The following PHLPP1 variants were observed in gnomAD, a reference collection of about 807,000 sequenced individuals.
PHLPP1 encodes the protein PH domain leucine-rich repeat-containing protein phosphatase 1.
A neutral mutation model predicts 117.2 loss-of-function variants in PHLPP1; 42 were observed. The ratio of observed to expected loss-of-function variants is 0.36; its 90% CI spans 0.28 to 0.46. The LOEUF (loss-of-function observed/expected upper bound fraction) is 0.46. Among genes scored for constraint, PHLPP1 ranks in the 20% least tolerant of loss-of-function variants. The pLI is 1.00. For synonymous variants in PHLPP1, 1,042 were observed against 970.7 expected, an observed-to-expected ratio of 1.07 and a Z score of -1.37; for missense variants, 2,084 against 2,241.9, an observed-to-expected ratio of 0.93 and a Z score of 1.42.
At chr18:62,726,150 T>C (rs543328212) in intron 1 of PHLPP1, among the ~76,000 whole-genome samples, 67 of 152,068 alleles carry the variant, frequency 4.4e-4, no homozygotes, top group African/African-American at 1.5e-3. Context: ...ATGTTCTCCA[T>C]TGAGTGTGGA....
chr18:62,722,379 A>C (rs910709284), intron 1 of PHLPP1, among the ~76,000 whole-genome samples: 3 of 152,210 alleles, frequency 2.0e-5, no homozygotes, highest in African/African-American at 7.2e-5. Context: ...GTACTGTGAA[A>C]GTCCAGAGAT....
chr18:62,898,670 T>C (rs1460167428), intron 6 of PHLPP1, among the ~76,000 whole-genome samples: 1 of 152,236 alleles, frequency 6.6e-6, no homozygotes, highest in Non-Finnish European at 1.5e-5. Flanking sequence ...CAATGAGATG[T>C]GTACAGAAGT....
rs1443738725 is a variant in PHLPP1, at chr18:62,978,845, T to C, written c.4568T>C (p.Leu1523Pro). The C allele has an allele frequency of 6.2e-7, 1 of 1,608,710 alleles. No individual in the cohort carries two copies. Among genetic ancestry groups the C allele is most frequent in the Non-Finnish European group, 8.5e-7 (1 of 1,177,642 alleles). ...CGCTGCATGCTCCACCCCATCTGTC[T>C]GTCCAACTCCTTCCAGCGCCAGCTA... ...EQRCMLHPICLSNSFQRQLSS... is the reference protein window; with the variant it reads ...EQRCMLHPICPSNSFQRQLSS... The change falls in exon 17 of 17, where the codon CTG becomes CCG. Residue 1523 changes from leucine (L) to proline (P), a missense_variant. Physicochemically the swap from Leu to Pro is moderately conservative, Grantham distance 98. Transcript: ENST00000262719. The surrounding 1 kb of genome is among the most constrained non-coding windows in gnomAD (Gnocchi z 7.0).
intron 4 of PHLPP1, among the ~76,000 whole-genome samples, chr18:62,891,916 AAG>A (rs936975904): frequency 2.1e-4 from 31 of 149,818 alleles, no homozygotes; most frequent in African/African-American, 4.4e-4. Flanking sequence ...AAAAAAAAGA[AAG>A]AAATATTTTA....
At chr18:62,719,183 TG>T (rs767019591) in intron 1 of PHLPP1, among the ~76,000 whole-genome samples, 2 of 152,184 alleles carry the variant, frequency 1.3e-5, no homozygotes, top group Non-Finnish European at 2.9e-5. Context: ...CTCAGATGTG[TG>T]GGGGTGCCAC....
intron 9 of PHLPP1, among the ~76,000 whole-genome samples, chr18:62,916,021 A>G (rs929829094): frequency 2.6e-5 from 4 of 152,160 alleles, no homozygotes; most frequent in African/African-American, 7.2e-5. Context: ...ATTTTGGAGT[A>G]AACTTTTACT....
intron 1 of PHLPP1, among the ~76,000 whole-genome samples, chr18:62,722,187 T>G (rs752065088): frequency 1.3e-5 from 2 of 152,350 alleles, no homozygotes; most frequent in East Asian, 3.9e-4. Context: ...AGAGAATAGC[T>G]CTCTCTGAAA....
chr18:62,763,241 C>G (rs1373131783), intron 1 of PHLPP1, among the ~76,000 whole-genome samples: 3 of 152,206 alleles, frequency 2.0e-5, no homozygotes, highest in Non-Finnish European at 4.4e-5. Context: ...TGTTCTACTG[C>G]TCTTTGAGTG....
At chr18:62,944,555 C>G (rs1910220476) in intron 11 of PHLPP1, among the ~76,000 whole-genome samples, 1 of 152,112 alleles carries the variant, frequency 6.6e-6, no homozygotes, top group African/African-American at 2.4e-5. Context: ...AGAGGTGATC[C>G]AAATGGGCTT....
Position 62,838,771 on chromosome 18 carries a change from T to C in PHLPP1, c.1774-13T>C. 1 of 1,613,568 alleles carries C rather than the reference T, an allele frequency of 6.2e-7. No individual in the cohort carries two copies. Among genetic ancestry groups the C allele is most frequent in the African/African-American group, 1.3e-5 (1 of 75,014 alleles). ...TCTGACTTGTTTCTGCTTCTCTCTG[T>C]TTGCTTTTATAGGTAGAAGAAGTGA... On this transcript the variant is annotated splice_polypyrimidine_tract_variant and intron_variant, in intron 2 of 16. Transcript: ENST00000262719.
At chr18:62,936,224 G>A (rs1909963567) in intron 10 of PHLPP1, among the ~76,000 whole-genome samples, 1 of 152,180 alleles carries the variant, frequency 6.6e-6, no homozygotes, top group South Asian at 2.1e-4. Flanking sequence ...GGGACAACGT[G>A]AGCAAAAAGT....
At chr18:62,901,490 T>C (rs1396233524) in intron 6 of PHLPP1, among the ~76,000 whole-genome samples, 1 of 152,188 alleles carries the variant, frequency 6.6e-6, no homozygotes, top group Non-Finnish European at 1.5e-5. Context: ...AACTCATCCT[T>C]GTGTTTCAGT....
chr18:62,823,087 A>G (rs894751697), intron 1 of PHLPP1, among the ~76,000 whole-genome samples: 1 of 152,246 alleles, frequency 6.6e-6, no homozygotes, highest in Admixed American at 6.5e-5. Flanking sequence ...AGAAGAAAAC[A>G]TGGGAGAAAA....
chr18:62,767,208 T>C (rs1912572804), intron 1 of PHLPP1, among the ~76,000 whole-genome samples: 1 of 152,196 alleles, frequency 6.6e-6, no homozygotes. Context: ...GGAAAATTAA[T>C]TTTCCAACAG....
chr18:62,916,605 G>GGGGTGTGTGTGTGT (rs1555681660), intron 9 of PHLPP1, among the ~76,000 whole-genome samples: 2,055 of 145,800 alleles, frequency 0.014, 29 homozygotes, highest in Non-Finnish European at 0.017. Flanking sequence ...CAAGAGGGTG[G>GGGGTGTGTGTGTGT]GTGTGTGTGT....
At chr18:62,948,672 A>AT (rs779742343) in intron 12 of PHLPP1, among the ~76,000 whole-genome samples, 3,082 of 142,402 alleles carry the variant, frequency 0.022, 98 homozygotes, top group African/African-American at 0.07. Context: ...TGTTGTTGGG[A>AT]TTTTTTTTTT....
chr18:62,905,185 A>G lies in PHLPP1; in HGVS notation c.2648-39A>G, dbSNP rs376311147. ...CAAAAAGAGTCTCTATGTCATTTGT[A>G]TAGTAATGTCTTTGTGGGGTTTTTT... is the stretch of plus-strand genomic sequence containing the variant. On this transcript the variant is annotated intron_variant, in intron 7 of 16. Transcript: ENST00000262719. 1.5e-4 allele frequency: 198 copies of G among 1,317,796 alleles called. No homozygotes were observed. In the African/African-American group the frequency reaches 2.6e-3, roughly 17 times the overall value. 81.6% of individuals were successfully genotyped at this position (1,317,796 alleles called of 1,614,324 possible).
In PHLPP1 at chr18:62,978,556, G is replaced by A. The variant is rs777349069; in HGVS notation, c.4279G>A (p.Asp1427Asn). The A allele has an allele frequency of 6.2e-7, 1 of 1,612,574 alleles. No homozygotes were observed. Among genetic ancestry groups the A allele is most frequent in the Admixed American group, 1.7e-5 (1 of 59,828 alleles). ...GGTGGTGCAGCTCAGTGTCACTGAG[G>A]ACAGCTTCTGCTGCTGCGAGCTCAG... ...AVVVQLSVTE[D>N]SFCCCELSAG... The change falls in exon 17 of 17, where the codon GAC (aspartate) becomes AAC (asparagine). Residue 1427 changes from aspartate to asparagine, a missense_variant. Around this residue, in one of 2 missense-constraint regions of PHLPP1, gnomAD observed 1,365 missense variants for 1,605.9 expected, o/e 0.85. Coordinates refer to ENST00000262719, the MANE Select transcript of PHLPP1 (RefSeq NM_194449.4). The surrounding 1 kb of genome is among the most constrained non-coding windows in gnomAD (Gnocchi z 7.0).
chr18:62,936,221 C>A (rs951578606), intron 10 of PHLPP1, among the ~76,000 whole-genome samples: 3 of 151,950 alleles, frequency 2.0e-5, no homozygotes, highest in Non-Finnish European at 4.4e-5. Context: ...TTTGGGACAA[C>A]GTGAGCAAAA....
Sources: gnomAD v4.1 joint callset for allele counts (sites outside exome capture counted in the v4.1 genomes callset) on GRCh38, gnomAD v4.1.1 for gene constraint, gnomAD v4.1.1 regional missense constraint, Gnocchi (gnomAD v3.1) non-coding constraint, MANE v1.5 for transcripts, NCBI Gene and HGNC (gene_info 2026-07-23, HGNC 2026-07-21) for gene names.